Variants in DPH6 observed in about 807,000 individuals in gnomAD.
DPH6 encodes the protein diphthamine biosynthesis 6, also known as diphthine--ammonia ligase.
In DPH6, 33 loss-of-function variants were observed where a neutral mutation model predicts 38.2. The observed-to-expected ratio is 0.86, with a 90% CI of 0.65 to 1.15. The LOEUF is 1.15. Ranked by LOEUF, DPH6 falls within the 50% of genes most tolerant of loss-of-function variation. The probability of loss-of-function intolerance (pLI) is 0.00; values close to 1 mark genes in which losing one functional copy is unlikely to be tolerated. For synonymous variants in DPH6, 108 were observed against 103.0 expected, an observed-to-expected ratio of 1.05 and a Z score of -0.30; for missense variants, 325 against 320.0, an observed-to-expected ratio of 1.02 and a Z score of -0.12.
chr15:35,146,561 G>A, the DPH6 span, among the ~76,000 whole-genome samples: 14 of 152,062 alleles, frequency 9.2e-5, no homozygotes, highest in Non-Finnish European at 1.3e-4. Context: ...ATCTCATATA[G>A]TTCTTTTAAA....
intron 7 of DPH6, among the ~76,000 whole-genome samples, chr15:35,377,058 TTAG>T (rs1399101055): frequency 2.0e-5 from 3 of 152,036 alleles, no homozygotes; most frequent in African/African-American, 4.8e-5. Flanking sequence ...AAAATAAAGA[TTAG>T]TAGGTCTGAA....
intron 3 of DPH6, among the ~76,000 whole-genome samples, chr15:35,468,157 C>T (rs560899995): frequency 2.6e-5 from 4 of 152,216 alleles, no homozygotes; most frequent in Non-Finnish European, 5.9e-5. Context: ...TACCAAGAAA[C>T]TATCTGCAAA....
At chr15:35,214,970 A>G (rs2051404183), downstream of DPH6, among the ~76,000 whole-genome samples, 1 of 152,224 alleles carries the variant, frequency 6.6e-6, no homozygotes, top group African/African-American at 2.4e-5. Context: ...TGCTCAACCC[A>G]GTACCTGAGT....
At chr15:35,476,892 GCTTTT>G (rs1329600567) in intron 3 of DPH6, among the ~76,000 whole-genome samples, 6 of 151,688 alleles carry the variant, frequency 4.0e-5, no homozygotes, top group Non-Finnish European at 8.9e-5. Flanking sequence ...TAAAACACTG[GCTTTT>G]CTTTTCATTT....
chr15:35,437,959 C>T (rs1054918656), intron 5 of DPH6, among the ~76,000 whole-genome samples: 3 of 152,196 alleles, frequency 2.0e-5, no homozygotes, highest in Admixed American at 6.5e-5. Context: ...CACAAATCAC[C>T]TTGAATTTTC....
chr15:35,257,916 G>C (rs989215002), intron 3 of DPH6, among the ~76,000 whole-genome samples: 5 of 152,102 alleles, frequency 3.3e-5, no homozygotes, highest in Middle Eastern at 3.4e-3. Context: ...GAACATAAAT[G>C]TAAGCAATAA....
chr15:35,415,869 G>A (rs1197008864), intron 5 of DPH6, among the ~76,000 whole-genome samples: 1 of 151,930 alleles, frequency 6.6e-6, no homozygotes, highest in East Asian at 1.9e-4. Flanking sequence ...ACTACAAAAG[G>A]AGATTATTGT....
intron 5 of DPH6, among the ~76,000 whole-genome samples, chr15:35,439,888 C>T (rs545308121): frequency 4.6e-5 from 7 of 152,200 alleles, no homozygotes; most frequent in East Asian, 3.9e-4. Context: ...CTCCACATTA[C>T]GCAAATAATC....
At chr15:35,496,086 A>G (rs2054545079) in intron 3 of DPH6, among the ~76,000 whole-genome samples, 1 of 152,204 alleles carries the variant, frequency 6.6e-6, no homozygotes, top group South Asian at 2.1e-4. Context: ...AATAGCTTCT[A>G]AAAGATAGTA....
intron 6 of DPH6, among the ~76,000 whole-genome samples, chr15:35,388,935 G>T (rs554660584): frequency 1.3e-5 from 2 of 152,026 alleles, no homozygotes; most frequent in Non-Finnish European, 2.9e-5. Flanking sequence ...TGTGATGTTA[G>T]GGTGTCAAGT....
intron 6 of DPH6, among the ~76,000 whole-genome samples, chr15:35,382,482 A>T (rs927245783): frequency 1.3e-5 from 2 of 149,444 alleles, no homozygotes; most frequent in African/African-American, 5.1e-5. Context: ...CAAAATTAAG[A>T]TTATTGTAAA....
At chr15:35,159,413 T>C in the DPH6 span, among the ~76,000 whole-genome samples, 1 of 151,906 alleles carries the variant, frequency 6.6e-6, no homozygotes, top group Non-Finnish European at 1.5e-5. Context: ...ATTTAAAAAA[T>C]ACTCTTCTCT....
chr15:35,516,156 A>T (rs953866616), intron 3 of DPH6, among the ~76,000 whole-genome samples: 5 of 152,212 alleles, frequency 3.3e-5, no homozygotes, highest in Non-Finnish European at 7.4e-5. Flanking sequence ...AAACACAATT[A>T]AAGACAAAAC....
intron 5 of DPH6, among the ~76,000 whole-genome samples, chr15:35,441,225 G>T (rs2053783906): frequency 6.6e-6 from 1 of 152,160 alleles, no homozygotes; most frequent in South Asian, 2.1e-4. Flanking sequence ...GTGTAAATTA[G>T]TTCAACCATG....
At position 35,229,290 on chromosome 15, in the gene DPH6, ATTCT is replaced by A. The variant is rs552684020; in HGVS notation, n.201-8712_201-8709del. On this transcript the variant is annotated intron_variant and non_coding_transcript_variant, in intron 3 of 3. Transcript: ENST00000560386. ...AAATAGACTGTCTTCAAGTTCACTA[ATTCT>A]TTCTTCTGCTTGATCAATTCTGCTA... is the stretch of plus-strand genomic sequence containing the variant. Among the ~76,000 whole-genome samples, 411 of 151,430 alleles carry A rather than the reference ATTCT, an allele frequency of 2.7e-3. 2 individuals are homozygous for A. Among genetic ancestry groups the A allele is most frequent in the African/African-American group, 9.5e-3 (394 of 41,372 alleles).
intron 4 of DPH6, among the ~76,000 whole-genome samples, chr15:35,452,485 ATCTCTCTCTCTC>A (rs58439057): frequency 6.7e-6 from 1 of 149,784 alleles, no homozygotes; most frequent in African/African-American, 2.5e-5. Context: ...GCCTATATTG[ATCTCTCTCTCTC>A]TCTCTCTCTC....
At chr15:35,359,167 A>G (rs2052592571) in intron 3 of DPH6, among the ~76,000 whole-genome samples, 1 of 151,930 alleles carries the variant, frequency 6.6e-6, no homozygotes, top group Admixed American at 6.6e-5. Flanking sequence ...AGGTGGGGGA[A>G]AGCTGGCAGT....
At chr15:35,497,871 CG>C (rs1304538553) in intron 3 of DPH6, among the ~76,000 whole-genome samples, 10 of 152,184 alleles carry the variant, frequency 6.6e-5, no homozygotes, top group African/African-American at 2.4e-4. Context: ...GTAAAAATAA[CG>C]TAAGTACAAA....
rs2053663322 is a variant in DPH6 at position 35,433,947 on chromosome 15, G to A, written c.505+16738C>T. On this transcript the variant is annotated intron_variant, in intron 5 of 8. Coordinates refer to ENST00000256538, the MANE Select transcript of DPH6 (RefSeq NM_080650.4). ...TCTGTGGAAGAGAAAAGAGAAGGGA[G>A]GTAGAGATATCTTTATGTGGTTGTG... Among the ~76,000 whole-genome samples the A allele has an allele frequency of 2.6e-5, 4 of 152,262 alleles. No individual in the cohort carries two copies. The South Asian group carries it at 6.2e-4, about 24-fold the overall frequency.
Sources: allele counts gnomAD v4.1 joint callset (sites outside exome capture counted in the v4.1 genomes callset), GRCh38; gene constraint gnomAD v4.1.1; transcripts MANE v1.5; gene names NCBI Gene and HGNC (gene_info 2026-07-23, HGNC 2026-07-21).